PHF2: variants seen among roughly 807,000 people sequenced by gnomAD.
PHF2 encodes lysine-specific demethylase PHF2.
PHF2 carries 27 observed loss-of-function variants against 120.5 expected under a neutral mutation model. The ratio of observed to expected loss-of-function variants is 0.22; its 90% CI spans 0.17 to 0.31. The LOEUF (loss-of-function observed/expected upper bound fraction) is 0.31, where lower values mean the gene tolerates loss of function less well. Ranked by LOEUF, PHF2 falls within the 10% of genes least tolerant of loss-of-function variation. The probability of loss-of-function intolerance (pLI) is 1.00; values close to 1 mark genes in which losing one functional copy is unlikely to be tolerated. For missense variants in PHF2, 1,024 were observed against 1,434.8 expected (o/e 0.71, Z 4.63); for synonymous variants, 568 against 592.5 (o/e 0.96, Z 0.60).
chr9:93,604,130 G>A (rs372118027), intron 1 of PHF2, among the ~76,000 whole-genome samples: 1 of 152,130 alleles, frequency 6.6e-6, no homozygotes, highest in Non-Finnish European at 1.5e-5. Flanking sequence ...CTGAGATGGG[G>A]ACACCCCTCT....
chr9:93,617,684 C>T (rs1051951322), intron 1 of PHF2, among the ~76,000 whole-genome samples: 10 of 152,170 alleles, frequency 6.6e-5, no homozygotes, highest in Non-Finnish European at 1.2e-4. Context: ...CACACGATCA[C>T]AAGGTCCCAC....
At position 93,665,879 on chromosome 9, in the gene PHF2, G is replaced by A. The variant is rs765118169; in HGVS notation, c.2116+15G>A. ...GGACTTGTCCTGTGAGTTGGGAGGG[G>A]GTGTTGGGGGAGGGGTGTGGGAGAG... On this transcript the variant is annotated intron_variant, in intron 15 of 21. Transcript: ENST00000359246. 2 of 1,612,862 alleles carry A rather than the reference G, an allele frequency of 1.2e-6. No homozygotes were observed. The highest frequency in any genetic ancestry group is 2.7e-5 in the African/African-American group (2 of 74,926).
rs572136734 is a variant in PHF2, at chr9:93,669,638, G to A, written c.2348+2398G>A. Among the ~76,000 whole-genome samples the A allele has an allele frequency of 2.4e-3, 366 of 152,330 alleles. 1 individual carries two copies. The highest frequency in any genetic ancestry group is 7.9e-3 in the African/African-American group (327 of 41,572). On this transcript the variant is annotated intron_variant, in intron 17 of 21. Transcript: ENST00000359246. ...GGGCTGCAGTGAGGGCGCCTGCCCCGGCACTGGGCATCTTCCTGAGTCTGC... is the reference window on the plus strand; with the variant it reads ...GGGCTGCAGTGAGGGCGCCTGCCCCAGCACTGGGCATCTTCCTGAGTCTGC...
chr9:93,578,541 A>G (rs1044685564), intron 1 of PHF2, among the ~76,000 whole-genome samples: 3 of 152,244 alleles, frequency 2.0e-5, no homozygotes, highest in Non-Finnish European at 2.9e-5. Flanking sequence ...ACTCTGCTAC[A>G]GAACCTTCTG....
chr9:93,667,055 C>T (rs751720017), intron 16 of PHF2, 25 bp from the exon 17 acceptor site: 13 of 1,595,498 alleles, frequency 8.1e-6, no homozygotes, highest in South Asian at 7.8e-5. Context: ...CTCCCCTGAC[C>T]GAAGCCCTGT....
At position 93,617,592 on chromosome 9, in the gene PHF2, G is replaced by A. The variant is rs570776449; in HGVS notation, c.99-12378G>A. 2.6e-4 allele frequency among the ~76,000 whole-genome samples: 40 copies of A among 152,244 alleles called. No individual in the cohort carries two copies. The East Asian group carries it at 4.3e-3, about 16-fold the overall frequency. On this transcript the variant is annotated intron_variant, in intron 1 of 21. Transcript: ENST00000359246. ...CCTTTCAGCTTTCTTTTTCTTGGCC[G>A]TTTCCTGTGGTGTCTTTATTAGTTA...
In PHF2 at chr9:93,656,071, C is replaced by T. The variant is rs748353808; in HGVS notation, c.1040+50C>T. On this transcript the variant is annotated intron_variant, in intron 8 of 21. Coordinates refer to ENST00000359246, the MANE Select transcript of PHF2 (RefSeq NM_005392.4). The surrounding 1 kb of genome is among the most constrained non-coding windows in gnomAD (Gnocchi z 4.1). ...CTCGGGCTCCGCAGAGCAGCGTCCT[C>T]CCTCTAGCTGGGTCGGTGCTAGATG... The T allele has an allele frequency of 6.7e-7, 1 of 1,501,764 alleles. No homozygotes were observed. Among genetic ancestry groups the T allele is most frequent in the Non-Finnish European group, 9.1e-7 (1 of 1,094,198 alleles). 93.0% of individuals were successfully genotyped at this position (1,501,764 alleles called of 1,614,324 possible).
At position 93,677,580 on chromosome 9, in the gene PHF2, T is replaced by TCC. The variant is rs1210465884; in HGVS notation, c.3203-5_3203-4dup. On this transcript the variant is annotated splice_polypyrimidine_tract_variant and splice_region_variant and intron_variant, in intron 21 of 21. Coordinates refer to ENST00000359246, the MANE Select transcript of PHF2 (RefSeq NM_005392.4). This position sits in a 1 kb window ranked among gnomAD's most constrained non-coding sequence, Gnocchi z 4.4. ...TCCCTTTTTGTGTCCCCTCCCCGACTCCCCTAGGAAAACGTACGAAAAAGG... is the reference window on the plus strand; with the variant it reads ...TCCCTTTTTGTGTCCCCTCCCCGACTCCCCCCTAGGAAAACGTACGAAAAAGG... 2 of 1,611,636 alleles carry TCC rather than the reference T, an allele frequency of 1.2e-6. No individual in the cohort carries two copies. The highest frequency in any genetic ancestry group is 2.7e-5 in the African/African-American group (2 of 74,524).
At chr9:93,666,791 G>A (rs939062395) in intron 16 of PHF2, among the ~76,000 whole-genome samples, 2 of 152,082 alleles carry the variant, frequency 1.3e-5, no homozygotes, top group Admixed American at 6.5e-5. Context: ...TTAGCCGAGC[G>A]AGTGAGCCTG....
Position 93,659,378 on chromosome 9 carries a change from T to G in PHF2, c.1240-133T>G, listed in dbSNP as rs560939267. The G allele has an allele frequency of 1.0e-4, 70 of 681,052 alleles. No individual in the cohort carries two copies. In the East Asian group the frequency reaches 1.6e-3, roughly 15 times the overall value. The allele number at this position is 681,052 out of a possible 1,614,324, so 42.2% of individuals were successfully genotyped here. ...GCAGAGACCTCTTGCCAGGGCAGAG[T>G]TTGGCTCGGAAGCCCCTCGCCTCAT... On this transcript the variant is annotated intron_variant, in intron 10 of 21. Coordinates refer to ENST00000359246, the MANE Select transcript of PHF2 (RefSeq NM_005392.4).
Position 93,635,581 on chromosome 9 carries a change from C to T in PHF2, c.185-830C>T, listed in dbSNP as rs150626556. On this transcript the variant is annotated intron_variant, in intron 2 of 21. Coordinates refer to ENST00000359246, the MANE Select transcript of PHF2 (RefSeq NM_005392.4). ...ACAAGGCTGGGAGCTAGGGACTTAG[C>T]GGGGTGGAGAGGAAATTGCTTCCCT... Among the ~76,000 whole-genome samples the T allele has an allele frequency of 4.3e-3, 660 of 152,264 alleles. 12 individuals carry two copies. The highest frequency in any genetic ancestry group is 0.015 in the African/African-American group (603 of 41,548).
Position 93,679,025 on chromosome 9 carries a change from T to A in PHF2, c.*1349T>A. On this transcript the variant is annotated 3_prime_UTR_variant, in exon 22 of 22. Transcript: ENST00000359246. ...ATGAATCTTCAACTTTAATACCAGCTCTTTGTTTTCCTTGTATGATGAGGG... is the reference window on the plus strand; with the variant it reads ...ATGAATCTTCAACTTTAATACCAGCACTTTGTTTTCCTTGTATGATGAGGG... 3 of 333,182 alleles carry A rather than the reference T, an allele frequency of 9.0e-6. No individual in the cohort carries two copies. The highest frequency in any genetic ancestry group is 6.9e-5 in the South Asian group (3 of 43,496). The allele number at this position is 333,182 out of a possible 1,614,324, so 20.6% of individuals were successfully genotyped here.
At chr9:93,616,634 T>A (rs1329253917) in intron 1 of PHF2, among the ~76,000 whole-genome samples, 1 of 149,748 alleles carries the variant, frequency 6.7e-6, no homozygotes, top group African/African-American at 2.5e-5. Context: ...TTTTTTTTAT[T>A]TGATGTTTCT....
intron 1 of PHF2, among the ~76,000 whole-genome samples, chr9:93,586,863 G>T (rs970743630): frequency 6.6e-6 from 1 of 152,192 alleles, no homozygotes; most frequent in African/African-American, 2.4e-5. Context: ...GGGGTGGCAT[G>T]GCCCTCATCA....
At chr9:93,593,084 CAAAAAAAAA>C (rs200919035) in intron 1 of PHF2, among the ~76,000 whole-genome samples, 38,747 of 83,836 alleles carry the variant, frequency 0.46, 7,108 homozygotes, top group South Asian at 0.68. Context: ...TCCTTTATGC[CAAAAAAAAA>C]AAAAAAAAAA....
At chr9:93,666,811 C>T (rs960201704) in intron 16 of PHF2, among the ~76,000 whole-genome samples, 1 of 152,098 alleles carries the variant, frequency 6.6e-6, no homozygotes, top group Non-Finnish European at 1.5e-5. Context: ...GTAGTCCCAG[C>T]TACTTGGGAG....
At chr9:93,633,790 A>G (rs1450582600) in intron 2 of PHF2, among the ~76,000 whole-genome samples, 1 of 152,056 alleles carries the variant, frequency 6.6e-6, no homozygotes, top group African/African-American at 2.4e-5. Flanking sequence ...AATAATGACC[A>G]TGCAGACAGG....
chr9:93,648,179 T>A (rs1213161099), intron 4 of PHF2, among the ~76,000 whole-genome samples: 4 of 152,232 alleles, frequency 2.6e-5, no homozygotes, highest in Non-Finnish European at 5.9e-5. Flanking sequence ...CCTGTTGGTT[T>A]GTTGGAGAGA....
At chr9:93,604,308 G>A (rs1055217892) in intron 1 of PHF2, among the ~76,000 whole-genome samples, 3 of 151,958 alleles carry the variant, frequency 2.0e-5, no homozygotes, top group African/African-American at 4.8e-5. Context: ...AGGGGCAGGA[G>A]GCCTTGCTGT....
Sources: allele counts gnomAD v4.1 joint callset (sites outside exome capture counted in the v4.1 genomes callset), GRCh38; gene constraint gnomAD v4.1.1; non-coding constraint Gnocchi (gnomAD v3.1); transcripts MANE v1.5; gene names NCBI Gene and HGNC (gene_info 2026-07-23, HGNC 2026-07-21).